PPM1L: variants seen among roughly 807,000 people sequenced by gnomAD.
PPM1L encodes the protein protein phosphatase, Mg2+/Mn2+ dependent 1L, also known as protein phosphatase 1L.
Under a neutral mutation model 31.4 loss-of-function variants are expected in PPM1L, and 13 were observed. That is an observed-to-expected ratio of 0.41 (90% CI 0.27 to 0.66). The LOEUF (loss-of-function observed/expected upper bound fraction) is 0.66, where lower values mean the gene tolerates loss of function less well. PPM1L is among the 30% of genes least tolerant of loss of function. The probability of loss-of-function intolerance (pLI) is 0.29; values close to 1 mark genes in which losing one functional copy is unlikely to be tolerated. For missense variants in PPM1L, 326 were observed against 453.7 expected (o/e 0.72, Z 2.56); for synonymous variants, 184 against 175.4 (o/e 1.05, Z -0.39).
intron 1 of PPM1L, among the ~76,000 whole-genome samples, chr3:160,787,046 A>G (rs1173925686): frequency 6.6e-6 from 1 of 152,146 alleles, no homozygotes. Context: ...GCTGTTGTGA[A>G]TAGTGCTGCA....
chr3:160,811,655 G>C (rs1170456209), intron 1 of PPM1L, among the ~76,000 whole-genome samples: 3 of 152,208 alleles, frequency 2.0e-5, no homozygotes, highest in Admixed American at 6.5e-5. Context: ...CAGTGGAAGT[G>C]TGGAAAAGGT....
intron 2 of PPM1L, among the ~76,000 whole-genome samples, chr3:160,976,991 G>A (rs868764340): frequency 6.6e-6 from 1 of 152,086 alleles, no homozygotes; most frequent in African/African-American, 2.4e-5. Context: ...GATCTTTCCT[G>A]CTTTCTGTTG....
intron 2 of PPM1L, among the ~76,000 whole-genome samples, chr3:160,991,564 A>G (rs900873655): frequency 1.1e-4 from 16 of 152,176 alleles, no homozygotes; most frequent in Non-Finnish European, 2.9e-5. Context: ...TAACTACTTG[A>G]TGAAATTTTT....
intron 1 of PPM1L, among the ~76,000 whole-genome samples, chr3:160,957,823 G>T (rs555373638): frequency 6.6e-6 from 1 of 151,990 alleles, no homozygotes; most frequent in Non-Finnish European, 1.5e-5. Flanking sequence ...TGATCCGCCC[G>T]CCTCAGCCTC....
intron 2 of PPM1L, among the ~76,000 whole-genome samples, chr3:160,995,752 A>T (rs924819664): frequency 6.6e-6 from 1 of 152,206 alleles, no homozygotes; most frequent in South Asian, 2.1e-4. Flanking sequence ...TCTTGAATAG[A>T]TGTGAGAGAT....
At chr3:160,840,480 A>C (rs888559916) in intron 1 of PPM1L, among the ~76,000 whole-genome samples, 4 of 152,156 alleles carry the variant, frequency 2.6e-5, no homozygotes, top group African/African-American at 9.7e-5. Flanking sequence ...GGATTGGCTC[A>C]CACAATTATG....
chr3:160,917,611 C>T (rs778913966), intron 1 of PPM1L, among the ~76,000 whole-genome samples: 12 of 152,008 alleles, frequency 7.9e-5, no homozygotes, highest in Non-Finnish European at 1.6e-4. Flanking sequence ...TTTCCCCTGC[C>T]TGCAGCTATT....
chr3:160,784,499 G>A (rs1224291620), intron 1 of PPM1L, among the ~76,000 whole-genome samples: 1 of 151,982 alleles, frequency 6.6e-6, no homozygotes, highest in Non-Finnish European at 1.5e-5. Flanking sequence ...AAAATGGAAA[G>A]AAAAAAAGCC....
At chr3:160,872,881 T>A (rs1712362913) in intron 1 of PPM1L, among the ~76,000 whole-genome samples, 1 of 152,012 alleles carries the variant, frequency 6.6e-6, no homozygotes, top group Admixed American at 6.6e-5. Context: ...GAGCCGAGAT[T>A]GCGCCACTAC....
At chr3:160,868,426 G>A (rs1576679591) in intron 1 of PPM1L, among the ~76,000 whole-genome samples, 4 of 152,186 alleles carry the variant, frequency 2.6e-5, no homozygotes, top group Admixed American at 2.6e-4. Flanking sequence ...AAATTTCAGG[G>A]CCTCACCTGT....
chr3:161,046,708 G>A (rs1438625884), intron 2 of PPM1L, among the ~76,000 whole-genome samples: 3 of 152,082 alleles, frequency 2.0e-5, no homozygotes. Context: ...CTGGCAAACC[G>A]AATCCAGCAG....
intron 1 of PPM1L, among the ~76,000 whole-genome samples, chr3:160,782,328 C>T (rs1711772671): frequency 6.6e-6 from 1 of 152,198 alleles, no homozygotes; most frequent in African/African-American, 2.4e-5. Flanking sequence ...AGCACTACCA[C>T]CACCACCACC....
intron 2 of PPM1L, among the ~76,000 whole-genome samples, chr3:161,020,168 A>G (rs1036079782): frequency 2.0e-5 from 3 of 152,022 alleles, no homozygotes; most frequent in Non-Finnish European, 2.9e-5. Context: ...AAAAAACAAG[A>G]CATCTCCTAA....
chr3:160,901,927 A>C (rs1165127754), intron 1 of PPM1L, among the ~76,000 whole-genome samples: 1 of 151,916 alleles, frequency 6.6e-6, no homozygotes, highest in African/African-American at 2.4e-5. Flanking sequence ...TCATTTGTTC[A>C]TTTTGTCAAA....
chr3:160,772,635 A>G (rs1005921658), intron 1 of PPM1L, among the ~76,000 whole-genome samples: 2 of 152,220 alleles, frequency 1.3e-5, no homozygotes, highest in African/African-American at 2.4e-5. Flanking sequence ...CCACGAAACC[A>G]TTGTTACAAT....
chr3:160,837,395 T>C (rs1190428558), intron 1 of PPM1L, among the ~76,000 whole-genome samples: 1 of 152,210 alleles, frequency 6.6e-6, no homozygotes, highest in African/African-American at 2.4e-5. Flanking sequence ...CATGAGTTTG[T>C]AAAGACAGAT....
chr3:160,923,054 G>C (rs1714467259), intron 1 of PPM1L, among the ~76,000 whole-genome samples: 1 of 152,192 alleles, frequency 6.6e-6, no homozygotes, highest in South Asian at 2.1e-4. Flanking sequence ...AATTAACATG[G>C]AGATTATTAC....
chr3:161,046,832 C>T (rs1719096379), intron 2 of PPM1L, among the ~76,000 whole-genome samples: 1 of 152,114 alleles, frequency 6.6e-6, no homozygotes, highest in Non-Finnish European at 1.5e-5. Context: ...GAACCAAAAA[C>T]AAAAACCACA....
At chr3:160,773,189 T>C (rs9814394) in intron 1 of PPM1L, among the ~76,000 whole-genome samples, 64,154 of 152,014 alleles carry the variant, frequency 0.42, 14,330 homozygotes, top group East Asian at 0.6. Context: ...TTTTAGCCAT[T>C]GTAGTAGGTG....
Sources: allele counts gnomAD v4.1 joint callset (sites outside exome capture counted in the v4.1 genomes callset), GRCh38; gene constraint gnomAD v4.1.1; transcripts MANE v1.5; gene names NCBI Gene and HGNC (gene_info 2026-07-23, HGNC 2026-07-21).